BBS9: variants seen among roughly 807,000 people sequenced by gnomAD.
BBS9 encodes the protein Bardet-Biedl syndrome 9.
BBS9 carries 89 observed loss-of-function variants against 117.7 expected under a neutral mutation model. The ratio of observed to expected loss-of-function variants is 0.76; its 90% confidence interval spans 0.64 to 0.90. The LOEUF (loss-of-function observed/expected upper bound fraction) is 0.90. Ranked by LOEUF, BBS9 falls within the 40% of genes least tolerant of loss-of-function variation. The probability of loss-of-function intolerance (pLI) is 0.00; values close to 1 mark genes in which losing one functional copy is unlikely to be tolerated. For missense variants in BBS9, 982 were observed against 1,042.2 expected (o/e 0.94, Z 0.80); for synonymous variants, 379 against 370.9 (o/e 1.02, Z -0.25).
chr7:33,352,408 C>T (rs541005913), intron 14 of BBS9, among the ~76,000 whole-genome samples: 192 of 151,712 alleles, frequency 1.3e-3, no homozygotes, highest in African/African-American at 4.4e-3. Context: ...CAAAAAGAGA[C>T]GTTATCAATA....
chr7:33,600,577 AT>A (rs1863639074), intron 21 of BBS9, among the ~76,000 whole-genome samples: 1 of 152,126 alleles, frequency 6.6e-6, no homozygotes, highest in Non-Finnish European at 1.5e-5. Flanking sequence ...TAAAATTTAT[AT>A]TTTCTTTAAT....
intron 6 of BBS9, among the ~76,000 whole-genome samples, chr7:33,260,935 T>G (rs1797886681): frequency 6.6e-6 from 1 of 152,216 alleles, no homozygotes; most frequent in Non-Finnish European, 1.5e-5. Flanking sequence ...CAGCCTTAAA[T>G]AAATATTTAA....
At chr7:33,145,808 G>C (rs1455616010) in intron 1 of BBS9, among the ~76,000 whole-genome samples, 1 of 152,090 alleles carries the variant, frequency 6.6e-6, no homozygotes, top group Non-Finnish European at 1.5e-5. Flanking sequence ...TCATCTGTGG[G>C]GTCTTGGAAC....
At chr7:33,227,442 C>T (rs1040982775) in intron 5 of BBS9, among the ~76,000 whole-genome samples, 11 of 151,924 alleles carry the variant, frequency 7.2e-5, no homozygotes, top group African/African-American at 2.4e-4. Flanking sequence ...CCACTGCACC[C>T]GGCCTAATCT....
At chr7:33,617,379 A>C (rs1166389281) in intron 21 of BBS9, among the ~76,000 whole-genome samples, 1 of 152,128 alleles carries the variant, frequency 6.6e-6, no homozygotes, top group East Asian at 1.9e-4. Context: ...TATCAGGGAT[A>C]AAGAGGGGCC....
intron 9 of BBS9, among the ~76,000 whole-genome samples, chr7:33,309,958 T>C (rs1808867353): frequency 6.6e-6 from 1 of 152,118 alleles, no homozygotes; most frequent in Non-Finnish European, 1.5e-5. Context: ...CTAGAGAAGG[T>C]AGAGAAGCAA....
At position 33,306,440 on chromosome 7, in the gene BBS9, G is replaced by A. The variant is rs1237973015; in HGVS notation, c.1017-30001G>A. ...GTCCTGTTACTCAGGACAAGAACAT[G>A]TAGAAAACGGAAAATATGAAACTTT... On this transcript the variant is annotated intron_variant, in intron 9 of 22. Transcript: ENST00000242067. Among the ~76,000 whole-genome samples the A allele has an allele frequency of 5.3e-5, 8 of 152,166 alleles. 1 individual carries two copies. The Middle Eastern group carries it at 0.017, about 326-fold the overall frequency.
intron 20 of BBS9, among the ~76,000 whole-genome samples, chr7:33,529,200 G>T (rs1850172744): frequency 6.6e-6 from 1 of 152,208 alleles, no homozygotes; most frequent in Admixed American, 6.5e-5. Context: ...TGGACTGTAG[G>T]AGCCTCTGCA....
At chr7:33,137,086 C>T (rs1790603210) in intron 1 of BBS9, among the ~76,000 whole-genome samples, 1 of 152,118 alleles carries the variant, frequency 6.6e-6, no homozygotes. Flanking sequence ...ATACCCAAGC[C>T]CTCAGCTCCT....
chr7:33,251,672 T>A (rs549195330), intron 5 of BBS9, among the ~76,000 whole-genome samples: 2 of 152,220 alleles, frequency 1.3e-5, no homozygotes, highest in Non-Finnish European at 2.9e-5. Flanking sequence ...GAAATAATAA[T>A]GTGTTTGGGT....
intron 5 of BBS9, among the ~76,000 whole-genome samples, chr7:33,234,399 A>T (rs1394254298): frequency 6.6e-6 from 1 of 152,060 alleles, no homozygotes; most frequent in Non-Finnish European, 1.5e-5. Flanking sequence ...GATTTGATAT[A>T]TGCATGCATT....
intron 9 of BBS9, among the ~76,000 whole-genome samples, chr7:33,323,706 G>A (rs1211300302): frequency 6.6e-6 from 1 of 151,152 alleles, no homozygotes; most frequent in African/African-American, 2.4e-5. Context: ...GCCACTGTAT[G>A]TCTTTTGATT....
chr7:33,612,555 G>C (rs1864934163), intron 21 of BBS9, among the ~76,000 whole-genome samples: 1 of 151,866 alleles, frequency 6.6e-6, no homozygotes, highest in Admixed American at 6.6e-5. Flanking sequence ...TCTGATGCCT[G>C]GTTGTCTTTG....
At chr7:33,627,391 G>A (rs1865692615) in intron 21 of BBS9, among the ~76,000 whole-genome samples, 1 of 152,248 alleles carries the variant, frequency 6.6e-6, no homozygotes, top group Non-Finnish European at 1.5e-5. Flanking sequence ...CCCTTATGGA[G>A]AACCTCTACT....
intron 12 of BBS9, among the ~76,000 whole-genome samples, chr7:33,347,437 A>T (rs188615542): frequency 4.1e-4 from 63 of 152,098 alleles, no homozygotes; most frequent in African/African-American, 1.4e-3. Flanking sequence ...CTAAAAAGGT[A>T]TTATGTTTAC....
rs1374350908 is a variant in BBS9 at position 33,129,590 on chromosome 7, T to A, written c.-463T>A. On this transcript the variant is annotated 5_prime_UTR_variant, in exon 1 of 23. Transcript: ENST00000242067. ...ACAACAGGGCGAAGATGGCTCAGAG[T>A]TAGGCTGGAGAGGGGAGGTGTCCCT... is the stretch of plus-strand genomic sequence containing the variant. 1.3e-5 allele frequency: 2 copies of A among 154,066 alleles called. No homozygotes were observed. Among genetic ancestry groups the A allele is most frequent in the Non-Finnish European group, 2.9e-5 (2 of 69,410 alleles). 9.5% of individuals were successfully genotyped at this position (154,066 alleles called of 1,614,324 possible).
At position 33,421,223 on chromosome 7, in the gene BBS9, A is replaced by G. The variant is rs151069932; in HGVS notation, c.2115+33079A>G. ...TAAACAAATGATTCTACAAACTGTG[A>G]GTCCAAGTAGGTACGTCCAAGGAAT... On this transcript the variant is annotated intron_variant, in intron 19 of 22. Transcript: ENST00000242067. 3.3e-5 allele frequency among the ~76,000 whole-genome samples: 5 copies of G among 151,938 alleles called. No homozygotes were observed. The East Asian group carries it at 9.6e-4, about 29-fold the overall frequency.
chr7:33,388,262 T>C, intron 19 of BBS9, 118 bp downstream of exon 19: 1 of 1,254,534 alleles, frequency 8.0e-7, no homozygotes, highest in Non-Finnish European at 1.2e-6. Flanking sequence ...TAAGGAACAG[T>C]GAACAGTGCA....
chr7:33,441,157 C>A (rs1836112873), intron 19 of BBS9, among the ~76,000 whole-genome samples: 1 of 151,836 alleles, frequency 6.6e-6, no homozygotes, highest in Non-Finnish European at 1.5e-5. Context: ...AGTAGAATAT[C>A]TAATTGTGAG....
Sources: gnomAD v4.1 joint callset for allele counts (sites outside exome capture counted in the v4.1 genomes callset) on GRCh38, gnomAD v4.1.1 for gene constraint, MANE v1.5 for transcripts, NCBI Gene and HGNC (gene_info 2026-07-23, HGNC 2026-07-21) for gene names.